The following ROCK2 variants were observed in gnomAD, a reference collection of about 807,000 sequenced individuals.
ROCK2 encodes the protein Rho associated coiled-coil containing protein kinase 2.
A neutral mutation model predicts 195.1 loss-of-function variants in ROCK2; 61 were observed. That is an observed-to-expected ratio of 0.31 (90% CI 0.25 to 0.39). The LOEUF (loss-of-function observed/expected upper bound fraction) is 0.39. ROCK2 is among the 10% of genes least tolerant of loss of function. The pLI is 1.00. For synonymous variants in ROCK2, 504 were observed against 545.5 expected (o/e 0.92, Z 1.06); for missense variants, 1,109 against 1,637.4 (o/e 0.68, Z 5.57).
intron 32 of ROCK2, among the ~76,000 whole-genome samples, chr2:11,188,203 T>C (rs1223228429): frequency 2.0e-5 from 3 of 149,108 alleles, no homozygotes; most frequent in African/African-American, 7.4e-5. Context: ...CTCCACCTCC[T>C]GGGTTCAAGC....
chr2:11,206,721 T>C (rs984885669), intron 20 of ROCK2, among the ~76,000 whole-genome samples: 17 of 152,246 alleles, frequency 1.1e-4, no homozygotes, highest in Admixed American at 2.0e-4. Flanking sequence ...CTGTAGTAGT[T>C]GTAACAGTAA....
At chr2:11,282,108 T>C (rs1667025363) in intron 3 of ROCK2, among the ~76,000 whole-genome samples, 2 of 152,076 alleles carry the variant, frequency 1.3e-5, no homozygotes. Flanking sequence ...CCTAGCACTT[T>C]GGAAAGCCAA....
chr2:11,251,477 T>C (rs903636635), intron 3 of ROCK2, among the ~76,000 whole-genome samples: 4 of 152,210 alleles, frequency 2.6e-5, no homozygotes, highest in Admixed American at 6.5e-5. Context: ...GACATCAAAC[T>C]GCCCAAGGGC....
intron 3 of ROCK2, among the ~76,000 whole-genome samples, chr2:11,253,948 A>G (rs940486100): frequency 5.9e-5 from 9 of 152,258 alleles, no homozygotes; most frequent in African/African-American, 2.2e-4. Flanking sequence ...AAATGCAATA[A>G]AATTTTAGAA....
chr2:11,208,645 C>T (rs1402181890), intron 18 of ROCK2, among the ~76,000 whole-genome samples, 198 bp from the exon 19 acceptor site: 10 of 149,898 alleles, frequency 6.7e-5, no homozygotes, highest in African/African-American at 1.2e-4. Context: ...TTGCCCAGGC[C>T]GGAGTGCAGT....
intron 29 of ROCK2, 51 bp downstream of exon 29, chr2:11,194,205 T>C: frequency 1.3e-6 from 1 of 788,954 alleles, no homozygotes; most frequent in Non-Finnish European, 2.0e-6. Flanking sequence ...ATTGTTAGTC[T>C]CTTATACTTT....
chr2:11,289,609 A>C (rs1274328409), intron 1 of ROCK2, among the ~76,000 whole-genome samples: 1 of 152,228 alleles, frequency 6.6e-6, no homozygotes, highest in Non-Finnish European at 1.5e-5. Context: ...TTTCAAACAG[A>C]TAGAATATTA....
intron 1 of ROCK2, among the ~76,000 whole-genome samples, chr2:11,312,740 C>A (rs1572395151): frequency 6.6e-6 from 1 of 151,914 alleles, no homozygotes; most frequent in East Asian, 1.9e-4. Flanking sequence ...ACCAATATTG[C>A]TTCAATAGGT....
At chr2:11,345,245 A>G (rs765595815), upstream of ROCK2, among the ~76,000 whole-genome samples, 3 of 152,178 alleles carry the variant, frequency 2.0e-5, no homozygotes, top group Non-Finnish European at 4.4e-5. Context: ...GGGATCCTGA[A>G]AGCGTTTCTG....
chr2:11,262,837 T>A (rs1264646390), intron 3 of ROCK2, among the ~76,000 whole-genome samples: 2 of 152,240 alleles, frequency 1.3e-5, no homozygotes, highest in Non-Finnish European at 2.9e-5. Context: ...CAAAAACTTT[T>A]GAACATCATT....
intron 3 of ROCK2, among the ~76,000 whole-genome samples, chr2:11,282,393 A>G (rs536376450): frequency 6.6e-6 from 1 of 152,190 alleles, no homozygotes; most frequent in African/African-American, 2.4e-5. Context: ...ACAAAATGGG[A>G]GGGATGAAAC....
At chr2:11,238,393 C>A (rs1286665640) in intron 4 of ROCK2, among the ~76,000 whole-genome samples, 1 of 152,066 alleles carries the variant, frequency 6.6e-6, no homozygotes, top group Non-Finnish European at 1.5e-5. Flanking sequence ...ATGCAATCTC[C>A]ATCTCAATCC....
chr2:11,210,604 G>A (rs951905527), intron 18 of ROCK2, among the ~76,000 whole-genome samples: 2 of 152,166 alleles, frequency 1.3e-5, no homozygotes, highest in Non-Finnish European at 2.9e-5. Context: ...GCCTCCCAAA[G>A]TGCTAGGATT....
intron 7 of ROCK2, among the ~76,000 whole-genome samples, chr2:11,223,849 G>C (rs556842992): frequency 1.2e-4 from 19 of 152,202 alleles, no homozygotes; most frequent in Middle Eastern, 3.4e-3. Context: ...TAAAAGTATG[G>C]AATTTCCAGG....
intron 4 of ROCK2, among the ~76,000 whole-genome samples, chr2:11,248,873 A>G (rs1398983170): frequency 6.6e-6 from 1 of 151,938 alleles, no homozygotes; most frequent in East Asian, 1.9e-4. Context: ...TTTTCTTTTC[A>G]AGATAGGCTG....
chr2:11,290,529 A>G (rs934524128), intron 1 of ROCK2, among the ~76,000 whole-genome samples: 1 of 152,178 alleles, frequency 6.6e-6, no homozygotes, highest in Non-Finnish European at 1.5e-5. Context: ...TTTTAAAGCA[A>G]TGAAGAAAAC....
chr2:11,204,226 G>C (rs1225989483), intron 20 of ROCK2, among the ~76,000 whole-genome samples: 1 of 151,980 alleles, frequency 6.6e-6, no homozygotes, highest in Middle Eastern at 3.2e-3. Flanking sequence ...TGTCAGACTT[G>C]AATTTAGCTC....
intron 3 of ROCK2, among the ~76,000 whole-genome samples, chr2:11,277,613 G>T (rs1384076569): frequency 6.6e-6 from 1 of 152,080 alleles, no homozygotes; most frequent in African/African-American, 2.4e-5. Context: ...ACTTCACTTC[G>T]AGTAATAGTC....
intron 1 of ROCK2, among the ~76,000 whole-genome samples, 165 bp from the exon 2 acceptor site, chr2:11,287,901 T>G (rs918452727): frequency 1.3e-5 from 2 of 152,250 alleles, no homozygotes; most frequent in African/African-American, 4.8e-5. Context: ...ACTGGTTTCC[T>G]AACCTCTGTC....
Sources: allele counts gnomAD v4.1 joint callset (sites outside exome capture counted in the v4.1 genomes callset), GRCh38; gene constraint gnomAD v4.1.1; transcripts MANE v1.5; gene names NCBI Gene and HGNC (gene_info 2026-07-23, HGNC 2026-07-21).